Variants in RGPD8 observed in about 807,000 individuals in gnomAD.
The protein encoded by RGPD8 is RANBP2 like and GRIP domain containing 8, also known as RANBP2-like and GRIP domain-containing protein 8.
A neutral mutation model predicts 89.1 loss-of-function variants in RGPD8; 15 were observed. That is an observed-to-expected ratio of 0.17 (90% CI 0.11 to 0.26). The LOEUF (loss-of-function observed/expected upper bound fraction) is 0.26, where lower values mean the gene tolerates loss of function less well. Among genes scored for constraint, RGPD8 ranks in the 10% least tolerant of loss-of-function variants. The pLI, the probability that RGPD8 is intolerant of heterozygous loss-of-function variation, is 1.00. For missense variants in RGPD8, 178 were observed against 1,179.6 expected (o/e 0.15, Z 12.44); for synonymous variants, 62 against 420.9 (o/e 0.15, Z 10.44).
At chr2:112,429,367 G>C (rs1270500597) in intron 1 of RGPD8, among the ~76,000 whole-genome samples, 1 of 120,650 alleles carries the variant, frequency 8.3e-6, no homozygotes, top group Non-Finnish European at 1.6e-5. Flanking sequence ...AGTGAGCCGA[G>C]ATCGCGACAC....
chr2:112,393,664 GAA>G (rs1300938201), intron 18 of RGPD8, among the ~76,000 whole-genome samples: 1 of 5,328 alleles, frequency 1.9e-4, no homozygotes, highest in Admixed American at 1.7e-3. Context: ...GCTAAAAAGA[GAA>G]AAAAAAAAAG....
intron 1 of RGPD8, among the ~76,000 whole-genome samples, chr2:112,430,440 T>G (rs1679977385): frequency 1.4e-5 from 2 of 145,880 alleles, no homozygotes; most frequent in African/African-American, 5.3e-5. Context: ...GTAAATGACT[T>G]TAAATTTGGG....
At chr2:112,370,351 G>T (rs1202223705) in intron 22 of RGPD8, 139 bp from the exon 23 acceptor site, 5 of 519,344 alleles carry the variant, frequency 9.6e-6, no homozygotes, top group Non-Finnish European at 1.5e-5. Context: ...TTTTTGGTGG[G>T]GGGGGGGGTT....
chr2:112,430,724 G>A (rs1679992256), intron 1 of RGPD8, among the ~76,000 whole-genome samples: 1 of 151,896 alleles, frequency 6.6e-6, no homozygotes, highest in Non-Finnish European at 1.5e-5. Flanking sequence ...AGCACTTGGG[G>A]CCAAGGCGGG....
intron 1 of RGPD8, among the ~76,000 whole-genome samples, chr2:112,431,411 C>T (rs1446217444): frequency 6.6e-6 from 1 of 152,176 alleles, no homozygotes; most frequent in African/African-American, 2.4e-5. Flanking sequence ...CTATCCTTCT[C>T]TGGAGGAATA....
intron 21 of RGPD8, 106 bp downstream of exon 21, chr2:112,380,718 T>C (rs1678269283): frequency 9.7e-7 from 1 of 1,031,842 alleles, no homozygotes; most frequent in South Asian, 1.5e-5. Flanking sequence ...ATCAAGACGT[T>C]ATAGATGCAT....
In RGPD8 at chr2:112,432,316, T is replaced by C. The variant is rs1442269077; in HGVS notation, c.72+1066A>G. Among the ~76,000 whole-genome samples the C allele has an allele frequency of 2.6e-5, 4 of 152,130 alleles. No homozygotes were observed. In the East Asian group the frequency reaches 5.8e-4, roughly 22 times the overall value. On this transcript the variant is annotated intron_variant, in intron 1 of 22. Coordinates refer to ENST00000302558, the MANE Select transcript of RGPD8 (RefSeq NM_001164463.1). ...TAAAAATTGTAAGCCATACTAACGA[T>C]TTGTAAGAACTTTAGAATTTTTTTT...
At chr2:112,425,531 G>A (rs1462868962) in intron 1 of RGPD8, among the ~76,000 whole-genome samples, 8 of 151,812 alleles carry the variant, frequency 5.3e-5, no homozygotes, top group African/African-American at 1.5e-4. Context: ...AGACTGAGGC[G>A]GGTGGATCAC....
intron 22 of RGPD8, among the ~76,000 whole-genome samples, chr2:112,372,957 G>C (rs1677998728): frequency 7.3e-6 from 1 of 136,994 alleles, no homozygotes; most frequent in Non-Finnish European, 1.5e-5. Flanking sequence ...TTAGACCTCT[G>C]TGTATGTATG....
intron 1 of RGPD8, among the ~76,000 whole-genome samples, chr2:112,432,357 G>A (rs1466458276): frequency 6.6e-6 from 1 of 151,812 alleles, no homozygotes; most frequent in African/African-American, 2.4e-5. Context: ...AGCAAAGGCA[G>A]CTACCAAAGT....
Position 112,422,649 on chromosome 2 carries a change from T to C in RGPD8, c.151A>G (p.Thr51Ala). The change falls in exon 3 of 23, where the codon ACT (threonine) becomes GCT (alanine). Residue 51 changes from threonine to alanine, a missense_variant. Physicochemically the swap from Thr to Ala is moderately conservative, Grantham distance 58. Coordinates refer to ENST00000302558, the MANE Select transcript of RGPD8 (RefSeq NM_001164463.1). ...TCCCTCTCTTGCACATTAATGTAAG[T>C]ACATATGTATCTGTTTTTTAAAAGT... is the stretch of plus-strand genomic sequence containing the variant. ...EYDLAKKYIC[T>A]YINVQERDPK... is the part of the protein sequence containing the mutation. 1 of 1,578,328 alleles carries C rather than the reference T, an allele frequency of 6.3e-7. No homozygotes were observed. Among genetic ancestry groups the C allele is most frequent in the South Asian group, 1.1e-5 (1 of 87,116 alleles).
chr2:112,389,338 C>CT lies in RGPD8; in HGVS notation c.3606dup (p.Asp1203ArgfsTer9). 6.2e-7 allele frequency: 1 copy of CT among 1,605,860 alleles called. No homozygotes were observed. Among genetic ancestry groups the CT allele is most frequent in the Non-Finnish European group, 8.5e-7 (1 of 1,177,672 alleles). On this transcript the variant is annotated frameshift_variant, in exon 20 of 23. Coordinates refer to ENST00000302558, the MANE Select transcript of RGPD8 (RefSeq NM_001164463.1). LOFTEE classifies it high-confidence loss of function. ...TCATTTGTCAAAAATGTTTTGAAATCTTTCAGTCCACTCTTCATTTCTTCA... is the reference window on the plus strand; with the variant it reads ...TCATTTGTCAAAAATGTTTTGAAATCTTTTCAGTCCACTCTTCATTTCTTCA...
intron 1 of RGPD8, among the ~76,000 whole-genome samples, chr2:112,424,729 C>G (rs1679694033): frequency 6.6e-6 from 1 of 151,586 alleles, no homozygotes; most frequent in Admixed American, 6.6e-5. Context: ...GAGACTCCAT[C>G]TCCCAAACAT....
At chr2:112,390,687 T>C (rs1391990647) in intron 19 of RGPD8, among the ~76,000 whole-genome samples, 39 of 132,200 alleles carry the variant, frequency 3.0e-4, no homozygotes, top group African/African-American at 1.0e-3. Context: ...ACTTACCACA[T>C]AGTGGGTCAG....
intron 1 of RGPD8, among the ~76,000 whole-genome samples, chr2:112,429,151 T>G (rs1236683619): frequency 6.6e-6 from 1 of 151,686 alleles, no homozygotes; most frequent in African/African-American, 2.4e-5. Context: ...CCGGGCGCGG[T>G]GGCTCACGCC....
At position 112,391,723 on chromosome 2, in the gene RGPD8, G is replaced by A. The variant is rs1049710814; in HGVS notation, c.2603-654C>T. ...ATGACAAAACTACCAATAGTCATTTGCTTGAACTGTTTTATGATAGTTTTA... is the reference window on the plus strand; with the variant it reads ...ATGACAAAACTACCAATAGTCATTTACTTGAACTGTTTTATGATAGTTTTA... On this transcript the variant is annotated intron_variant, in intron 18 of 22. Transcript: ENST00000302558. Among the ~76,000 whole-genome samples, 4 of 124,894 alleles carry A rather than the reference G, an allele frequency of 3.2e-5. 1 individual carries two copies. Among genetic ancestry groups the A allele is most frequent in the African/African-American group, 1.2e-4 (4 of 34,060 alleles). The allele number at this position is 124,894 out of a possible 152,430, so 81.9% of individuals were successfully genotyped here. A position where few individuals can be genotyped will look rare whatever the true frequency, so the allele number is the denominator to read the frequency against.
At chr2:112,427,047 C>T (rs1460140603) in intron 1 of RGPD8, among the ~76,000 whole-genome samples, 5 of 151,930 alleles carry the variant, frequency 3.3e-5, no homozygotes, top group South Asian at 2.1e-4. Flanking sequence ...TGACTTCTTC[C>T]GCCTCCCAAA....
chr2:112,432,847 C>T (rs1680107739), intron 1 of RGPD8, among the ~76,000 whole-genome samples: 1 of 152,230 alleles, frequency 6.6e-6, no homozygotes, highest in African/African-American at 2.4e-5. Context: ...CCTGCGCTTG[C>T]AAGCGCCACG....
rs559272462 is a variant in RGPD8 at position 112,413,689 on chromosome 2, T to C, written c.783-1063A>G. Among the ~76,000 whole-genome samples the C allele has an allele frequency of 3.0e-5, 4 of 132,834 alleles. No individual in the cohort carries two copies. The East Asian group carries it at 7.8e-4, about 26-fold the overall frequency. The allele number at this position is 132,834 out of a possible 152,430, so 87.1% of individuals were successfully genotyped here. A position where few individuals can be genotyped will look rare whatever the true frequency, so the allele number is the denominator to read the frequency against. On this transcript the variant is annotated intron_variant, in intron 6 of 22. Transcript: ENST00000302558. ...TATTACATACTCATTTTCTCATGTA[T>C]GTAGAGCTGACTTTTTTTGTTTTTG...
Sources: gnomAD v4.1 joint callset for allele counts (sites outside exome capture counted in the v4.1 genomes callset) on GRCh38, gnomAD v4.1.1 for gene constraint, MANE v1.5 for transcripts, NCBI Gene and HGNC (gene_info 2026-07-23, HGNC 2026-07-21) for gene names.